NRXN3: variants seen among roughly 807,000 people sequenced by gnomAD.
NRXN3 encodes the protein neurexin 3.
NRXN3 carries 32 observed loss-of-function variants against 137.6 expected under a neutral mutation model. The observed-to-expected ratio is 0.23, with a 90% confidence interval of 0.18 to 0.31. The LOEUF (loss-of-function observed/expected upper bound fraction) is 0.31, where lower values mean the gene tolerates loss of function less well. NRXN3 is among the 10% of genes least tolerant of loss of function. The pLI is 1.00. For synonymous variants in NRXN3, 798 were observed against 784.5 expected (o/e 1.02, Z -0.29); for missense variants, 1,574 against 2,062.5 (o/e 0.76, Z 4.59).
At chr14:79,334,089 C>T (rs1293231649) in intron 15 of NRXN3, among the ~76,000 whole-genome samples, 1 of 152,086 alleles carries the variant, frequency 6.6e-6, no homozygotes, top group Admixed American at 6.5e-5. Context: ...TACTGAATGC[C>T]TACTATGTCC....
At chr14:79,384,990 CCT>C (rs1416472265) in intron 15 of NRXN3, among the ~76,000 whole-genome samples, 2 of 152,076 alleles carry the variant, frequency 1.3e-5, no homozygotes, top group African/African-American at 4.8e-5. Flanking sequence ...AATTGCTCTA[CCT>C]CTGTTTCTCA....
chr14:78,188,964 A>G (rs773494664), intron 1 of NRXN3, among the ~76,000 whole-genome samples: 31 of 152,114 alleles, frequency 2.0e-4, no homozygotes, highest in Non-Finnish European at 3.4e-4. Context: ...TTCTAATTCA[A>G]ATAAAATCTT....
chr14:78,805,901 T>C (rs972487698), intron 9 of NRXN3, among the ~76,000 whole-genome samples: 3 of 152,086 alleles, frequency 2.0e-5, no homozygotes, highest in African/African-American at 7.2e-5. Flanking sequence ...AGGAAATAAG[T>C]GTACAGATTC....
intron 19 of NRXN3, among the ~76,000 whole-genome samples, chr14:79,713,239 C>CAACT (rs1015536725): frequency 4.5e-5 from 6 of 133,136 alleles, no homozygotes; most frequent in Admixed American, 4.0e-4. Flanking sequence ...GTAGCACTTA[C>CAACT]AACTCAGGTC....
intron 15 of NRXN3, among the ~76,000 whole-genome samples, chr14:79,442,944 C>T (rs141763946): frequency 9.2e-5 from 14 of 152,118 alleles, no homozygotes; most frequent in East Asian, 1.9e-4. Context: ...GCAATCCTCC[C>T]GATGGGGAGA....
Position 78,372,747 on chromosome 14 carries a change from G to C in NRXN3, c.757+74887G>C, listed in dbSNP as rs578011127. 2.9e-3 allele frequency among the ~76,000 whole-genome samples: 438 copies of C among 152,330 alleles called. 1 individual carries two copies. The highest frequency in any genetic ancestry group is 0.018 in the South Asian group (86 of 4,828). On this transcript the variant is annotated intron_variant, in intron 4 of 20. Coordinates refer to ENST00000335750, the MANE Select transcript of NRXN3 (RefSeq NM_001330195.2). The stretch of plus-strand genomic sequence containing the variant: ...GAGGTCATCTAAATATTAAGGATAA[G>C]CTAAGGTATGTTGAAAACATCATGC...
chr14:79,158,799 C>G (rs763467630), intron 15 of NRXN3, among the ~76,000 whole-genome samples: 1 of 151,814 alleles, frequency 6.6e-6, no homozygotes, highest in Admixed American at 6.6e-5. Flanking sequence ...GAAAATATAA[C>G]CATACTAATG....
At chr14:78,902,748 C>T (rs1331104786) in intron 10 of NRXN3, among the ~76,000 whole-genome samples, 1 of 151,934 alleles carries the variant, frequency 6.6e-6, no homozygotes, top group African/African-American at 2.4e-5. Flanking sequence ...GCCAACCCTA[C>T]AGCTGCCCAC....
At chr14:78,756,637 G>C (rs2098669760) in intron 8 of NRXN3, among the ~76,000 whole-genome samples, 1 of 150,752 alleles carries the variant, frequency 6.6e-6, no homozygotes, top group Non-Finnish European at 1.5e-5. Context: ...CCTCACCCTT[G>C]CTCCAACTTT....
rs115477544 is a variant in NRXN3, at chr14:78,911,893, A to G, written c.2276-45349A>G. On this transcript the variant is annotated intron_variant, in intron 10 of 20. Coordinates refer to ENST00000335750, the MANE Select transcript of NRXN3 (RefSeq NM_001330195.2). ...ACACAGTTCCCCTGGTTGAGCCACA[A>G]ATTGGTATGTTTTTTTCCTTATGTA... Among the ~76,000 whole-genome samples the G allele has an allele frequency of 5.8e-3, 876 of 152,060 alleles. 8 individuals are homozygous for G. The highest frequency in any genetic ancestry group is 0.02 in the African/African-American group (823 of 41,482).
In NRXN3 at chr14:79,648,199, A is replaced by G. The variant is rs750734559; in HGVS notation, c.3445-15579A>G. On this transcript the variant is annotated intron_variant, in intron 16 of 20. Transcript: ENST00000335750. ...CCCTACTATACAAAACAAACAAACA[A>G]ACAAACAAACAAAAAACAGAAAACT... 1.5e-5 allele frequency among the ~76,000 whole-genome samples: 2 copies of G among 134,360 alleles called. 1 individual carries two copies. Among genetic ancestry groups the G allele is most frequent in the Non-Finnish European group, 3.5e-5 (2 of 57,946 alleles). The allele number at this position is 134,360 out of a possible 152,430, so 88.1% of individuals were successfully genotyped here.
At chr14:78,779,630 C>T (rs1253977334) in intron 8 of NRXN3, among the ~76,000 whole-genome samples, 1 of 151,854 alleles carries the variant, frequency 6.6e-6, no homozygotes, top group Non-Finnish European at 1.5e-5. Flanking sequence ...TTGTTGGGTA[C>T]AAGGTAAACA....
At chr14:78,656,428 G>T (rs1210064730) in intron 6 of NRXN3, among the ~76,000 whole-genome samples, 1 of 152,134 alleles carries the variant, frequency 6.6e-6, no homozygotes, top group African/African-American at 2.4e-5. Flanking sequence ...AGGCATGGAG[G>T]TAGAGCATGT....
chr14:78,663,256 C>T (rs1182236197), intron 6 of NRXN3, among the ~76,000 whole-genome samples: 1 of 152,170 alleles, frequency 6.6e-6, no homozygotes, highest in Non-Finnish European at 1.5e-5. Flanking sequence ...TGTGTTTAAA[C>T]TTACTGTAAG....
chr14:78,464,007 T>C (rs1333165136), intron 4 of NRXN3, among the ~76,000 whole-genome samples: 1 of 151,692 alleles, frequency 6.6e-6, no homozygotes, highest in African/African-American at 2.4e-5. Context: ...ATTTATATAT[T>C]TTTTAAACTT....
At chr14:79,037,397 G>A (rs977754277) in intron 15 of NRXN3, among the ~76,000 whole-genome samples, 1 of 152,098 alleles carries the variant, frequency 6.6e-6, no homozygotes, top group Non-Finnish European at 1.5e-5. Flanking sequence ...TTATCATGGT[G>A]TATGACAGCC....
In NRXN3 at chr14:78,835,882, C is replaced by T. The variant is rs367942522; in HGVS notation, c.2275+25538C>T. Among the ~76,000 whole-genome samples the T allele has an allele frequency of 2.0e-5, 3 of 152,072 alleles. No homozygotes were observed. In the East Asian group the frequency reaches 5.8e-4, roughly 30 times the overall value. On this transcript the variant is annotated intron_variant, in intron 10 of 20. Coordinates refer to ENST00000335750, the MANE Select transcript of NRXN3 (RefSeq NM_001330195.2). ...GTGTTTCTTATCTAGTAAGGTGATC[C>T]TCTCTTAGAAAAAGAAATGATCTTG...
intron 15 of NRXN3, among the ~76,000 whole-genome samples, chr14:79,213,967 C>T (rs2068094895): frequency 6.6e-6 from 1 of 152,202 alleles, no homozygotes. Context: ...TTATTCCTTT[C>T]AGAGGCAATT....
chr14:79,642,716 A>G (rs2098438607), intron 16 of NRXN3, among the ~76,000 whole-genome samples: 1 of 135,224 alleles, frequency 7.4e-6, no homozygotes, highest in Admixed American at 7.8e-5. Flanking sequence ...CTGAAGACCT[A>G]TCTGATGCTT....
Sources: allele counts gnomAD v4.1 joint callset (sites outside exome capture counted in the v4.1 genomes callset), GRCh38; gene constraint gnomAD v4.1.1; transcripts MANE v1.5; gene names NCBI Gene and HGNC (gene_info 2026-07-23, HGNC 2026-07-21).